Variants in ADAMTS19 observed in about 807,000 individuals in gnomAD.
The protein encoded by ADAMTS19 is ADAM metallopeptidase with thrombospondin type 1 motif 19, also known as A disintegrin and metalloproteinase with thrombospondin motifs 19.
A neutral mutation model predicts 153.3 loss-of-function variants in ADAMTS19; 93 were observed. That is an observed-to-expected ratio of 0.61 (90% confidence interval 0.51 to 0.72). The LOEUF (loss-of-function observed/expected upper bound fraction) is 0.72, where lower values mean the gene tolerates loss of function less well. ADAMTS19 is among the 30% of genes least tolerant of loss of function. The pLI is 0.00. For synonymous variants in ADAMTS19, 600 were observed against 556.6 expected (o/e 1.08, Z -1.10); for missense variants, 1,482 against 1,552.1 (o/e 0.95, Z 0.76).
intron 6 of ADAMTS19, among the ~76,000 whole-genome samples, chr5:129,536,983 G>A (rs1173111348): frequency 6.6e-6 from 1 of 151,544 alleles, no homozygotes; most frequent in African/African-American, 2.4e-5. Flanking sequence ...TGGGTGCAGT[G>A]CACCAGCATG....
chr5:129,714,262 A>G (rs1423603924), intron 21 of ADAMTS19, among the ~76,000 whole-genome samples: 1 of 150,824 alleles, frequency 6.6e-6, no homozygotes. Flanking sequence ...TACTAAAAAT[A>G]CAAAAAATTA....
At chr5:129,589,621 A>T (rs1749998910) in intron 7 of ADAMTS19, among the ~76,000 whole-genome samples, 1 of 152,102 alleles carries the variant, frequency 6.6e-6, no homozygotes, top group Non-Finnish European at 1.5e-5. Flanking sequence ...TTACAAAAAG[A>T]TATATTTGGA....
At chr5:129,475,940 G>C (rs1750209894) in intron 2 of ADAMTS19, among the ~76,000 whole-genome samples, 1 of 152,128 alleles carries the variant, frequency 6.6e-6, no homozygotes, top group African/African-American at 2.4e-5. Context: ...TTTGATAGGA[G>C]GGTTTAAGCT....
chr5:129,584,263 T>C (rs977906482), intron 7 of ADAMTS19, among the ~76,000 whole-genome samples: 2 of 152,150 alleles, frequency 1.3e-5, no homozygotes, highest in African/African-American at 4.8e-5. Context: ...CTCCTTCCTC[T>C]GGAAGCTTCA....
At position 129,737,224 on chromosome 5, in the gene ADAMTS19, A is replaced by G; in HGVS notation, c.*6A>G. On this transcript the variant is annotated 3_prime_UTR_variant, in exon 23 of 23. Transcript: ENST00000274487. The stretch of plus-strand genomic sequence containing the variant: ...AGCTGCAGCAGAAGAGTTGACCTCT[A>G]GCAGGCTGGCTGGATCACAGCTCTT... 1 of 1,590,260 alleles carries G rather than the reference A, an allele frequency of 6.3e-7. No individual in the cohort carries two copies. Among genetic ancestry groups the G allele is most frequent in the Non-Finnish European group, 8.6e-7 (1 of 1,164,074 alleles).
chr5:129,652,629 T>C (rs1472028331), intron 13 of ADAMTS19, among the ~76,000 whole-genome samples: 1 of 152,224 alleles, frequency 6.6e-6, no homozygotes, highest in Non-Finnish European at 1.5e-5. Flanking sequence ...TATCAAATGT[T>C]TATGTCATCT....
chr5:129,653,623 C>T (rs547662578), intron 13 of ADAMTS19, among the ~76,000 whole-genome samples: 5 of 152,134 alleles, frequency 3.3e-5, no homozygotes, highest in African/African-American at 1.2e-4. Flanking sequence ...TCAGCAGTTG[C>T]GCATAACTAT....
At chr5:129,644,327 A>G (rs1752959260) in intron 11 of ADAMTS19, among the ~76,000 whole-genome samples, 1 of 152,182 alleles carries the variant, frequency 6.6e-6, no homozygotes, top group Admixed American at 6.5e-5. Flanking sequence ...ACACTCTGCC[A>G]TTGTGTGCAG....
chr5:129,506,837 G>C (rs934770924), intron 2 of ADAMTS19, among the ~76,000 whole-genome samples: 4 of 151,810 alleles, frequency 2.6e-5, no homozygotes, highest in Non-Finnish European at 4.4e-5. Context: ...CCCATGATAA[G>C]AGCATTGCTT....
At chr5:129,553,914 T>A (rs569046301) in intron 7 of ADAMTS19, among the ~76,000 whole-genome samples, 1 of 152,246 alleles carries the variant, frequency 6.6e-6, no homozygotes, top group South Asian at 2.1e-4. Flanking sequence ...GGACTCCATC[T>A]CCATGGATTC....
At chr5:129,631,784 T>C (rs1472130636) in intron 10 of ADAMTS19, among the ~76,000 whole-genome samples, 1 of 152,048 alleles carries the variant, frequency 6.6e-6, no homozygotes, top group Non-Finnish European at 1.5e-5. Context: ...TGTCTTGATA[T>C]TCATCTGTTA....
At chr5:129,669,173 C>G (rs1754188857) in intron 16 of ADAMTS19, among the ~76,000 whole-genome samples, 1 of 151,908 alleles carries the variant, frequency 6.6e-6, no homozygotes, top group Non-Finnish European at 1.5e-5. Context: ...TCCGGTGGTG[C>G]TGGGAAATCT....
At chr5:129,735,251 T>C in intron 22 of ADAMTS19, 142 bp downstream of exon 22, 1 of 864,098 alleles carries the variant, frequency 1.2e-6, no homozygotes, top group Non-Finnish European at 1.6e-6. Context: ...TCCATTTAAA[T>C]ATGATTTCGT....
At chr5:129,672,218 C>G (rs1035070745) in intron 16 of ADAMTS19, among the ~76,000 whole-genome samples, 5 of 152,078 alleles carry the variant, frequency 3.3e-5, no homozygotes, top group Non-Finnish European at 7.4e-5. Context: ...TTCATGAAAA[C>G]TTCACTCTCA....
At chr5:129,577,878 A>G (rs561432980) in intron 7 of ADAMTS19, among the ~76,000 whole-genome samples, 1 of 152,012 alleles carries the variant, frequency 6.6e-6, no homozygotes, top group South Asian at 2.1e-4. Context: ...TATCCTTGAT[A>G]GATTTACCAG....
chr5:129,658,776 C>T (rs777631633), intron 15 of ADAMTS19, 39 bp downstream of exon 15: 3 of 1,564,170 alleles, frequency 1.9e-6, no homozygotes, highest in Admixed American at 1.8e-5. Flanking sequence ...TTAATCCCTG[C>T]AATCTTTGGG....
At chr5:129,576,017 T>A (rs1754085226) in intron 7 of ADAMTS19, among the ~76,000 whole-genome samples, 1 of 144,700 alleles carries the variant, frequency 6.9e-6, no homozygotes, top group Non-Finnish European at 1.5e-5. Flanking sequence ...TCCTTCCATA[T>A]AAAAGCAATC....
At chr5:129,465,480 C>T (rs1183625912) in intron 2 of ADAMTS19, among the ~76,000 whole-genome samples, 2 of 151,778 alleles carry the variant, frequency 1.3e-5, no homozygotes, top group Admixed American at 6.6e-5. Context: ...CCTTTTCCTA[C>T]TTAAATTAAG....
At chr5:129,610,626 T>C (rs936544266) in intron 8 of ADAMTS19, among the ~76,000 whole-genome samples, 1 of 152,190 alleles carries the variant, frequency 6.6e-6, no homozygotes, top group Non-Finnish European at 1.5e-5. Context: ...AACTCATCAT[T>C]TTTTATGGCT....
Sources: gnomAD v4.1 joint callset for allele counts (sites outside exome capture counted in the v4.1 genomes callset) on GRCh38, gnomAD v4.1.1 for gene constraint, MANE v1.5 for transcripts, NCBI Gene and HGNC (gene_info 2026-07-23, HGNC 2026-07-21) for gene names.